Variants in NUP58 observed in about 807,000 individuals in gnomAD.
NUP58 encodes the protein nucleoporin p58/p45.
In NUP58, 17 loss-of-function variants were observed where a neutral mutation model predicts 70.1. The ratio of observed to expected loss-of-function variants is 0.24; its 90% CI spans 0.17 to 0.36. The LOEUF (loss-of-function observed/expected upper bound fraction) is 0.36. Among genes scored for constraint, NUP58 ranks in the 10% least tolerant of loss-of-function variants. The pLI is 1.00. For missense variants in NUP58, 644 were observed against 701.5 expected, an observed-to-expected ratio of 0.92 and a Z score of 0.93; for synonymous variants, 275 against 257.6, an observed-to-expected ratio of 1.07 and a Z score of -0.65.
rs1268786004 is a variant in NUP58, at chr13:25,332,249, G to A, written c.1435+691G>A. 6 of 985,394 alleles carry A rather than the reference G, an allele frequency of 6.1e-6. No homozygotes were observed. The South Asian group carries it at 2.8e-4, about 46-fold the overall frequency. 61.0% of individuals were successfully genotyped at this position (985,394 alleles called of 1,614,324 possible). A position where few individuals can be genotyped will look rare whatever the true frequency, so the allele number is the denominator to read the frequency against. On this transcript the variant is annotated intron_variant, in intron 13 of 15. Coordinates refer to ENST00000381736, the MANE Select transcript of NUP58 (RefSeq NM_014089.4). ...ACAGATGAAAATAATTGGTGACATG[G>A]AAAGCAGATTGTTTTATTTCTTGGT...
intron 7 of NUP58, 43 bp from the exon 8 acceptor site, chr13:25,320,487 T>TA: frequency 7.0e-7 from 1 of 1,432,638 alleles, no homozygotes; most frequent in East Asian, 2.3e-5. Flanking sequence ...GTCAACTTTT[T>TA]AAAATCTCAA....
At chr13:25,328,648 C>T (rs983235473) in intron 12 of NUP58, among the ~76,000 whole-genome samples, 5 of 152,108 alleles carry the variant, frequency 3.3e-5, no homozygotes, top group African/African-American at 9.7e-5. Flanking sequence ...CCTCCCTCCT[C>T]GGCCTCCCAA....
At chr13:25,332,737 C>T (rs898178088) in intron 13 of NUP58, 13 of 985,278 alleles carry the variant, frequency 1.3e-5, no homozygotes, top group South Asian at 4.7e-5. Context: ...AATAGTGGCT[C>T]GCACGAGCAC....
chr13:25,315,669 A>G (rs770305473), intron 6 of NUP58, among the ~76,000 whole-genome samples: 4 of 93,020 alleles, frequency 4.3e-5, no homozygotes, highest in Non-Finnish European at 1.1e-4. Flanking sequence ...TTCTTATCTA[A>G]CATCAGAAGC....
At chr13:25,303,685 G>A (rs1465382657) in intron 1 of NUP58, among the ~76,000 whole-genome samples, 1 of 152,068 alleles carries the variant, frequency 6.6e-6, no homozygotes. Context: ...ATTGTAATCA[G>A]TTTGTTATAT....
intron 1 of NUP58, among the ~76,000 whole-genome samples, chr13:25,304,252 A>G (rs930277642): frequency 2.6e-5 from 4 of 152,026 alleles, no homozygotes; most frequent in East Asian, 1.9e-4. Context: ...TGGCTTTTCT[A>G]CAGTACATCC....
intron 10 of NUP58, 98 bp from the exon 11 acceptor site, chr13:25,326,818 T>C: frequency 1.7e-6 from 1 of 586,044 alleles, no homozygotes; most frequent in Non-Finnish European, 3.0e-6. Context: ...CTTGATACTT[T>C]TGAAGACTAT....
At chr13:25,328,536 C>T (rs1456235369) in intron 12 of NUP58, among the ~76,000 whole-genome samples, 2 of 151,664 alleles carry the variant, frequency 1.3e-5, no homozygotes, top group Non-Finnish European at 2.9e-5. Context: ...GCTGGGACTA[C>T]AGGCACGTGC....
At chr13:25,306,984 A>G (rs2030394446) in intron 1 of NUP58, among the ~76,000 whole-genome samples, 1 of 152,096 alleles carries the variant, frequency 6.6e-6, no homozygotes, top group Non-Finnish European at 1.5e-5. Flanking sequence ...TGGTGGTAAA[A>G]TACCTAAGTC....
intron 5 of NUP58, 139 bp from the exon 6 acceptor site, chr13:25,315,218 G>A: frequency 1.5e-6 from 1 of 683,500 alleles, no homozygotes; most frequent in Non-Finnish European, 2.6e-6. Flanking sequence ...ACATCTCCAG[G>A]CTTGTTTCTT....
intron 6 of NUP58, among the ~76,000 whole-genome samples, chr13:25,317,269 CTTATTT>C (rs2030975696): frequency 6.9e-6 from 1 of 143,906 alleles, no homozygotes; most frequent in Admixed American, 6.7e-5. Flanking sequence ...TCATGGAGTC[CTTATTT>C]GCCATGTTGA....
chr13:25,308,139 A>G, intron 2 of NUP58, 191 bp downstream of exon 2: 2 of 495,122 alleles, frequency 4.0e-6, no homozygotes, highest in Non-Finnish European at 6.9e-6. Flanking sequence ...ACTGTCATCT[A>G]CTCTGATATA....
intron 4 of NUP58, 103 bp downstream of exon 4, chr13:25,313,135 A>G: frequency 1.5e-6 from 2 of 1,362,420 alleles, no homozygotes; most frequent in Non-Finnish European, 2.0e-6. Context: ...TTGATTTATA[A>G]AGAAGAAAAT....
chr13:25,326,190 T>G (rs1363029014), intron 10 of NUP58, among the ~76,000 whole-genome samples: 3 of 152,216 alleles, frequency 2.0e-5, no homozygotes, highest in Non-Finnish European at 4.4e-5. Context: ...TGAGATGTGC[T>G]TCCTCACTGG....
At chr13:25,312,764 A>G (rs1488088084) in intron 3 of NUP58, 119 bp from the exon 4 acceptor site, 5 of 916,228 alleles carry the variant, frequency 5.5e-6, no homozygotes, top group African/African-American at 5.1e-5. Context: ...CCCTTCTTCT[A>G]TTGGCAAAAG....
chr13:25,332,222 G>A, intron 13 of NUP58: 1 of 985,530 alleles, frequency 1.0e-6, no homozygotes, highest in Non-Finnish European at 1.2e-6. Context: ...CTGGGAAGTT[G>A]AACAGATGAA....
At chr13:25,322,386 C>G in intron 9 of NUP58, among the ~76,000 whole-genome samples, 1 of 152,168 alleles carries the variant, frequency 6.6e-6, no homozygotes, top group East Asian at 1.9e-4. Flanking sequence ...TATTGTCTGT[C>G]CTCAGACTTC....
intron 7 of NUP58, 125 bp downstream of exon 7, chr13:25,319,475 G>A (rs2031087598): frequency 1.3e-6 from 1 of 765,474 alleles, no homozygotes; most frequent in Non-Finnish European, 2.2e-6. Flanking sequence ...TTTTGTAATG[G>A]TATTCGTTAA....
intron 2 of NUP58, among the ~76,000 whole-genome samples, chr13:25,308,659 CAA>C (rs746256867): frequency 3.0e-4 from 45 of 152,094 alleles, no homozygotes; most frequent in South Asian, 1.0e-3. Context: ...ATTATTAAAA[CAA>C]AGTGGGAAAA....
Sources: allele counts gnomAD v4.1 joint callset (sites outside exome capture counted in the v4.1 genomes callset), GRCh38; gene constraint gnomAD v4.1.1; transcripts MANE v1.5; gene names NCBI Gene and HGNC (gene_info 2026-07-23, HGNC 2026-07-21).